The following CCP110 variants were observed in gnomAD, a reference collection of about 807,000 sequenced individuals.
The protein encoded by CCP110 is centriolar coiled-coil protein of 110 kDa.
A neutral mutation model predicts 105.5 loss-of-function variants in CCP110; 43 were observed. The ratio of observed to expected loss-of-function variants is 0.41; its 90% CI spans 0.32 to 0.53. The LOEUF (loss-of-function observed/expected upper bound fraction) is 0.53. CCP110 is among the 20% of genes least tolerant of loss of function. CCP110 has a pLI of 0.32. For synonymous variants in CCP110, 353 were observed against 392.1 expected (o/e 0.90, Z 1.18); for missense variants, 1,016 against 1,189.1 (o/e 0.85, Z 2.14).
At chr16:19,538,829 T>C (rs1970175030) in intron 4 of CCP110, among the ~76,000 whole-genome samples, 1 of 152,002 alleles carries the variant, frequency 6.6e-6, no homozygotes, top group Admixed American at 6.6e-5. Flanking sequence ...AACGGTTCTT[T>C]AGGCCGGCGC....
intron 8 of CCP110, among the ~76,000 whole-genome samples, chr16:19,543,614 C>T (rs538256872): frequency 2.7e-4 from 41 of 152,240 alleles, no homozygotes; most frequent in African/African-American, 7.9e-4. Context: ...AGCCTATAAA[C>T]GGACGTGCAA....
At chr16:19,546,887 A>C (rs919405230) in intron 12 of CCP110, 1 of 160,036 alleles carries the variant, frequency 6.2e-6, no homozygotes, top group African/African-American at 2.4e-5. Context: ...ACTTTGTTCT[A>C]CTTGACATCA....
intron 1 of CCP110, among the ~76,000 whole-genome samples, chr16:19,524,496 G>A (rs1456006022): frequency 1.3e-5 from 2 of 152,176 alleles, no homozygotes; most frequent in Admixed American, 1.3e-4. Flanking sequence ...CTTCCCCGGG[G>A]TGTGCATTGG....
At position 19,544,991 on chromosome 16, in the gene CCP110, T is replaced by C. The variant is rs543903230; in HGVS notation, c.2586+93T>C. The stretch of plus-strand genomic sequence containing the variant: ...ACTGAAAATAGGTTTCAATGAAAAC[T>C]ATTTTAATCTTTTTCTATAAATAAG... On this transcript the variant is annotated intron_variant, in intron 9 of 14. Transcript: ENST00000381396. 4 of 992,086 alleles carry C rather than the reference T, an allele frequency of 4.0e-6. No individual in the cohort carries two copies. The South Asian group carries it at 5.9e-5, about 15-fold the overall frequency. 61.5% of individuals were successfully genotyped at this position (992,086 alleles called of 1,614,324 possible).
chr16:19,542,250 G>T (rs1372638058), intron 6 of CCP110, among the ~76,000 whole-genome samples, 186 bp downstream of exon 6: 1 of 152,166 alleles, frequency 6.6e-6, no homozygotes, highest in Non-Finnish European at 1.5e-5. Flanking sequence ...AGATGTTTGT[G>T]AACAAAGATT....
chr16:19,537,222 A>G, exon 4 of CCP110: 1 of 1,614,156 alleles, frequency 6.2e-7, no homozygotes, highest in Non-Finnish European at 8.5e-7. Context: ...GCAAGTCCAA[A>G]CTTTGGAACT....
At chr16:19,528,110 T>C in intron 2 of CCP110, 88 bp downstream of exon 2, 8 of 1,026,944 alleles carry the variant, frequency 7.8e-6, no homozygotes, top group Middle Eastern at 2.2e-4. Flanking sequence ...CTTATAAACA[T>C]TTGAAGAGAT....
chr16:19,524,739 G>A (rs2151456322), intron 1 of CCP110: 1 of 152,276 alleles, frequency 6.6e-6, no homozygotes, highest in Non-Finnish European at 1.5e-5. Context: ...CTAGGGACAG[G>A]GAAATGAGGA....
chr16:19,533,173 G>GT (rs1969934110), intron 3 of CCP110, among the ~76,000 whole-genome samples: 1 of 152,144 alleles, frequency 6.6e-6, no homozygotes, highest in African/African-American at 2.4e-5. Flanking sequence ...TGTTCTGCTG[G>GT]TAACATCTTT....
chr16:19,541,395 G>A (rs1246335619), intron 5 of CCP110, among the ~76,000 whole-genome samples: 1 of 152,164 alleles, frequency 6.6e-6, no homozygotes, highest in Non-Finnish European at 1.5e-5. Flanking sequence ...CACTTTGGGA[G>A]GCCGAGGTGG....
chr16:19,552,060 A>G (rs1438020259), exon 15 of CCP110: 1 of 152,174 alleles, frequency 6.6e-6, no homozygotes, highest in African/African-American at 2.4e-5. Flanking sequence ...TTTTCTATTT[A>G]GTCTGTATAT....
intron 1 of CCP110, 29 bp downstream of exon 1, chr16:19,524,117 T>TCC (rs1408397153): frequency 6.5e-6 from 1 of 153,196 alleles, no homozygotes; most frequent in African/African-American, 2.4e-5. Context: ...GGCTTGAGCC[T>TCC]TGACGGGTCC....
At chr16:19,536,849 A>G (rs369149634) in exon 4 of CCP110, 7 of 1,614,158 alleles carry the variant, frequency 4.3e-6, no homozygotes, top group African/African-American at 2.7e-5. Flanking sequence ...AAATAACCCA[A>G]TAAATGCCTG....
rs774970040 is a variant in CCP110 at position 19,540,790 on chromosome 16, G to A, written c.2049+3G>A. The stretch of plus-strand genomic sequence containing the variant: ...GGGAACAAGAAAGACTGCAAAAGGT[G>A]AGGAATGTGGAGGGAGATACAACTG... On this transcript the variant is annotated splice_donor_region_variant and intron_variant, in intron 5 of 14. Transcript: ENST00000381396. 1.2e-6 allele frequency: 2 copies of A among 1,611,012 alleles called. No individual in the cohort carries two copies. Among genetic ancestry groups the A allele is most frequent in the East Asian group, 2.2e-5 (1 of 44,814 alleles).
intron 4 of CCP110, among the ~76,000 whole-genome samples, chr16:19,538,376 C>G (rs1419091683): frequency 1.7e-5 from 2 of 119,466 alleles, no homozygotes; most frequent in Non-Finnish European, 3.2e-5. Flanking sequence ...GTGGCGGGTT[C>G]TCACCTCACT....
At chr16:19,530,927 CA>C (rs939703209) in intron 2 of CCP110, among the ~76,000 whole-genome samples, 10 of 144,840 alleles carry the variant, frequency 6.9e-5, no homozygotes, top group East Asian at 6.0e-4. Context: ...GACTCCATCT[CA>C]AAAAAAAAAG....
At chr16:19,535,333 ACATT>A (rs34062018) in intron 3 of CCP110, among the ~76,000 whole-genome samples, 23,331 of 151,906 alleles carry the variant, frequency 0.15, 1,856 homozygotes, top group Admixed American at 0.2. Flanking sequence ...ATCTATTTTT[ACATT>A]CATTCATTCA....
At chr16:19,546,580 G>C in intron 12 of CCP110, 106 bp downstream of exon 12, 2 of 635,012 alleles carry the variant, frequency 3.1e-6, no homozygotes, top group Non-Finnish European at 5.5e-6. Flanking sequence ...ACTTTGGGAG[G>C]CCAAGACGGA....
At chr16:19,552,037 G>T (rs1227407110) in exon 15 of CCP110, 1 of 152,088 alleles carries the variant, frequency 6.6e-6, no homozygotes, top group Non-Finnish European at 1.5e-5. Context: ...ATAATATGTT[G>T]CATGCAGTTA....
Sources: allele counts gnomAD v4.1 joint callset (sites outside exome capture counted in the v4.1 genomes callset), GRCh38; gene constraint gnomAD v4.1.1; transcripts MANE v1.5; gene names NCBI Gene and HGNC (gene_info 2026-07-23, HGNC 2026-07-21).